ZNF831: variants seen among roughly 807,000 people sequenced by gnomAD.
ZNF831 encodes the protein chromosome 20 open reading frame 174.
In ZNF831, 59 loss-of-function variants were observed where a neutral mutation model predicts 95.8. The ratio of observed to expected loss-of-function variants is 0.62; its 90% CI spans 0.50 to 0.77. The LOEUF (loss-of-function observed/expected upper bound fraction) is 0.77. ZNF831 is among the 30% of genes least tolerant of loss of function. The pLI is 0.00. For missense variants in ZNF831, 2,205 were observed against 2,164.0 expected, an observed-to-expected ratio of 1.02 and a Z score of -0.38; for synonymous variants, 961 against 925.5, an observed-to-expected ratio of 1.04 and a Z score of -0.70.
At chr20:59,230,753 T>TAGG (rs1294725093) in intron 4 of ZNF831, among the ~76,000 whole-genome samples, 1 of 152,226 alleles carries the variant, frequency 6.6e-6, no homozygotes, top group Non-Finnish European at 1.5e-5. Context: ...AGCCAAAGTT[T>TAGG]AGGAACTAGG....
chr20:59,243,996 T>G (rs924628550), intron 4 of ZNF831, among the ~76,000 whole-genome samples: 20 of 152,326 alleles, frequency 1.3e-4, no homozygotes, highest in Admixed American at 5.9e-4. Flanking sequence ...CTCTCTTTAT[T>G]TTAGCGCATT....
chr20:59,172,806 C>T (rs1981851277), intron 1 of ZNF831, among the ~76,000 whole-genome samples: 2 of 152,198 alleles, frequency 1.3e-5, no homozygotes, highest in Non-Finnish European at 2.9e-5. Context: ...GTGTTTTCTG[C>T]CCTCCTTGGT....
intron 3 of ZNF831, 125 bp downstream of exon 3, chr20:59,196,130 T>A (rs903197748): frequency 7.5e-7 from 1 of 1,331,532 alleles, no homozygotes; most frequent in African/African-American, 1.5e-5. Context: ...AGCTTCATGA[T>A]TAAAGGACTG....
chr20:59,150,567 TA>T (rs1346909146), intron 2 of ZNF831, among the ~76,000 whole-genome samples: 1 of 152,196 alleles, frequency 6.6e-6, no homozygotes, highest in Non-Finnish European at 1.5e-5. Flanking sequence ...AACCATAGCA[TA>T]GGGGACCCAC....
chr20:59,245,307 CAG>C (rs1987536187), intron 4 of ZNF831, among the ~76,000 whole-genome samples: 2 of 152,178 alleles, frequency 1.3e-5, no homozygotes, highest in Non-Finnish European at 2.9e-5. Context: ...GAAAAACAAA[CAG>C]ATCTGGTGAG....
At chr20:59,223,969 C>T (rs1250722012) in intron 4 of ZNF831, among the ~76,000 whole-genome samples, 1 of 152,238 alleles carries the variant, frequency 6.6e-6, no homozygotes, top group Non-Finnish European at 1.5e-5. Flanking sequence ...CCCTGTCATC[C>T]ACCACCCCCA....
At position 59,194,565 on chromosome 20, in the gene ZNF831, G is replaced by A. The variant is rs764106008; in HGVS notation, c.3546G>A (p.Arg1182=). Residue 1182 remains arginine (R), a synonymous_variant, in exon 2 of 6, where the codon CGG becomes CGA. Transcript: ENST00000371030. ...NPFPSLKAEP[R]LTWCCLSRSV... is the part of the protein sequence containing the mutation. ...TTCCCTCACTGAAGGCTGAGCCGCG[G>A]CTCACGTGGTGTTGCCTGAGCCGCA... The A allele has an allele frequency of 9.3e-6, 15 of 1,607,070 alleles. No homozygotes were observed. The African/African-American group carries it at 1.9e-4, about 20-fold the overall frequency.
chr20:59,222,840 T>C (rs1404620256), intron 4 of ZNF831, among the ~76,000 whole-genome samples: 1 of 152,088 alleles, frequency 6.6e-6, no homozygotes, highest in Non-Finnish European at 1.5e-5. Flanking sequence ...GCGGTACAAA[T>C]TTATTTTATG....
chr20:59,222,681 G>A (rs549612870), intron 4 of ZNF831, among the ~76,000 whole-genome samples: 1 of 152,276 alleles, frequency 6.6e-6, no homozygotes, highest in East Asian at 1.9e-4. Flanking sequence ...CTCCGCGGGG[G>A]CCCCCTAGCG....
chr20:59,238,468 G>C (rs1037315341), intron 4 of ZNF831, among the ~76,000 whole-genome samples: 3 of 152,146 alleles, frequency 2.0e-5, no homozygotes, highest in Non-Finnish European at 4.4e-5. Flanking sequence ...GGTAAGGCCT[G>C]GCCTTTTCAA....
chr20:59,188,293 T>G (rs1983223006), intron 1 of ZNF831, among the ~76,000 whole-genome samples: 1 of 151,988 alleles, frequency 6.6e-6, no homozygotes, highest in African/African-American at 2.4e-5. Flanking sequence ...ATTCTCCACA[T>G]CCTCACCAAC....
At chr20:59,131,135 A>G (rs926813159) in intron 1 of ZNF831, among the ~76,000 whole-genome samples, 7 of 152,214 alleles carry the variant, frequency 4.6e-5, no homozygotes. Flanking sequence ...TTAACCTTCC[A>G]GCATCCATCT....
chr20:59,205,448 A>G (rs1267903024), intron 3 of ZNF831, among the ~76,000 whole-genome samples: 1 of 152,202 alleles, frequency 6.6e-6, no homozygotes, highest in Non-Finnish European at 1.5e-5. Flanking sequence ...TGCCCCAGAC[A>G]GGGGAGGCAA....
intron 4 of ZNF831, among the ~76,000 whole-genome samples, chr20:59,216,221 A>C (rs567420277): frequency 6.6e-6 from 1 of 152,136 alleles, no homozygotes; most frequent in Non-Finnish European, 1.5e-5. Flanking sequence ...TGTCTCATCT[A>C]GAATTTTCTC....
chr20:59,177,961 C>T (rs1266641868), intron 1 of ZNF831, among the ~76,000 whole-genome samples: 1 of 152,242 alleles, frequency 6.6e-6, no homozygotes, highest in African/African-American at 2.4e-5. Flanking sequence ...GATCTGCTCA[C>T]AGTACTTCTC....
chr20:59,198,088 C>T (rs1289211455), intron 3 of ZNF831, among the ~76,000 whole-genome samples: 1 of 152,160 alleles, frequency 6.6e-6, no homozygotes. Flanking sequence ...CATGTACCTG[C>T]TGTGTGCCTG....
chr20:59,159,001 G>T (rs1255838812), upstream of ZNF831, among the ~76,000 whole-genome samples: 5 of 152,012 alleles, frequency 3.3e-5, no homozygotes, highest in Non-Finnish European at 7.4e-5. Context: ...CAGGGTGGGT[G>T]GTGATTTTTC....
Position 59,194,659 on chromosome 20 carries a change from A to G in ZNF831, c.3640A>G (p.Ser1214Gly). The G allele has an allele frequency of 6.2e-7, 1 of 1,613,352 alleles. No homozygotes were observed. The highest frequency in any genetic ancestry group is 8.5e-7 in the Non-Finnish European group (1 of 1,179,778). ...SVYLAVHFPG[S>G]SLRDEGPNGP... ...GTACTTGGCGGTGCACTTTCCTGGT[A>G]GCAGCCTCCGAGATGAGGGTCCCAA... The change falls in exon 2 of 6, where the codon AGC becomes GGC. Residue 1214 changes from serine (S) to glycine (G), a missense_variant. Physicochemically the swap from Ser to Gly is moderately conservative, Grantham distance 56. Coordinates refer to ENST00000371030, the MANE Select transcript of ZNF831 (RefSeq NM_178457.3).
Position 59,194,705 on chromosome 20 carries a change from G to C in ZNF831, c.3686G>C (p.Gly1229Ala), listed in dbSNP as rs1477672918. 1 of 1,605,866 alleles carries C rather than the reference G, an allele frequency of 6.2e-7. No individual in the cohort carries two copies. The highest frequency in any genetic ancestry group is 8.5e-7 in the Non-Finnish European group (1 of 1,176,056). Residue 1229 changes from glycine (G) to alanine (A), a missense_variant, in exon 2 of 6, where the codon GGA becomes GCA. Gly to Ala is a moderately conservative substitution (Grantham distance 60). Coordinates refer to ENST00000371030, the MANE Select transcript of ZNF831 (RefSeq NM_178457.3). Reference protein sequence around the residue: ...EGPNGPPGSNGGWTWTSPGEG... With the variant: ...EGPNGPPGSNAGWTWTSPGEG... ...CCCAATGGCCCTCCTGGGAGCAATGGAGGATGGACCTGGACAAGCCCTGGA... is the reference window on the plus strand; with the variant it reads ...CCCAATGGCCCTCCTGGGAGCAATGCAGGATGGACCTGGACAAGCCCTGGA...
Sources: gnomAD v4.1 joint callset for allele counts (sites outside exome capture counted in the v4.1 genomes callset) on GRCh38, gnomAD v4.1.1 for gene constraint, MANE v1.5 for transcripts, NCBI Gene and HGNC (gene_info 2026-07-23, HGNC 2026-07-21) for gene names.